TLCD5: variants seen among roughly 807,000 people sequenced by gnomAD.
The protein encoded by TLCD5 is TLC domain containing 5.
TLCD5 carries 15 observed loss-of-function variants against 20.5 expected under a neutral mutation model. The observed-to-expected ratio is 0.73, with a 90% CI of 0.49 to 1.13. The LOEUF (loss-of-function observed/expected upper bound fraction) is 1.13, where lower values mean the gene tolerates loss of function less well. Ranked by LOEUF, TLCD5 falls within the 50% of genes most tolerant of loss-of-function variation. TLCD5 has a pLI of 0.00. For synonymous variants in TLCD5, 107 were observed against 114.7 expected, an observed-to-expected ratio of 0.93 and a Z score of 0.43; for missense variants, 289 against 305.6, an observed-to-expected ratio of 0.95 and a Z score of 0.41.
In TLCD5 at chr11:120,330,910, A is replaced by G. The variant is rs115474557; in HGVS notation, c.*395A>G. 2.4e-3 allele frequency: 393 copies of G among 160,922 alleles called. 2 individuals carry two copies. The highest frequency in any genetic ancestry group is 8.5e-3 in the African/African-American group (355 of 41,836). The allele number at this position is 160,922 out of a possible 1,614,324, so 10.0% of individuals were successfully genotyped here. On this transcript the variant is annotated 3_prime_UTR_variant, in exon 3 of 3. Coordinates refer to ENST00000375095, the MANE Select transcript of TLCD5 (RefSeq NM_001198671.2). Reference sequence around the variant, plus strand: ...GAAGTAACTCTTTCAATAAACACTTATTTCTGCTTTCCATATAGCAATTTA... The same window carrying G: ...GAAGTAACTCTTTCAATAAACACTTGTTTCTGCTTTCCATATAGCAATTTA...
At chr11:120,329,912 G>A (rs150341643) in intron 2 of TLCD5, 65 bp from the exon 3 acceptor site, 158 of 1,513,988 alleles carry the variant, frequency 1.0e-4, no homozygotes, top group Middle Eastern at 5.3e-4. Flanking sequence ...CAACAACATA[G>A]GATCCCTGTG....
rs575171686 is a variant in TLCD5 at position 120,329,960 on chromosome 11, G to C, written c.200-17G>C. ...ATTCCCAGTCACTCAATTTGCTTCT[G>C]TCTTGGTTTGTTTCAGGCTCACCCA... On this transcript the variant is annotated splice_polypyrimidine_tract_variant and intron_variant, in intron 2 of 2. Transcript: ENST00000375095. The C allele has an allele frequency of 6.2e-7, 1 of 1,600,238 alleles. No individual in the cohort carries two copies. Among genetic ancestry groups the C allele is most frequent in the South Asian group, 1.1e-5 (1 of 88,474 alleles).
At position 120,330,725 on chromosome 11, in the gene TLCD5, T is replaced by C; in HGVS notation, c.*210T>C. ...GCACAGTTGTAGAAAGTGAGAATAC[T>C]CCATGGTAGTTGGGAATAAGTGAGA... On this transcript the variant is annotated 3_prime_UTR_variant, in exon 3 of 3. Transcript: ENST00000375095. The C allele has an allele frequency of 1.9e-6, 1 of 532,980 alleles. No homozygotes were observed. The allele number at this position is 532,980 out of a possible 1,614,324, so 33.0% of individuals were successfully genotyped here. A position where few individuals can be genotyped will look rare whatever the true frequency, so the allele number is the denominator to read the frequency against.
Position 120,330,498 on chromosome 11 carries a change from C to G in TLCD5, c.721C>G (p.His241Asp). 1 of 1,612,364 alleles carries G rather than the reference C, an allele frequency of 6.2e-7. No individual in the cohort carries two copies. Among genetic ancestry groups the G allele is most frequent in the Non-Finnish European group, 8.5e-7 (1 of 1,179,352 alleles). ...SEERQLKHNG[H>D]LKIH ...GGAACGGCAGCTGAAACACAACGGA[C>G]ATCTCAAAATACACTAGCCAAGGCT... The change falls in exon 3 of 3, where the codon CAT (histidine) becomes GAT (aspartate). Residue 241 changes from histidine to aspartate, a missense_variant. By Grantham distance (81) the His-to-Asp change is moderately conservative (BLOSUM62 -1). Coordinates refer to ENST00000375095, the MANE Select transcript of TLCD5 (RefSeq NM_001198671.2).
chr11:120,327,604 G>A lies in TLCD5; in HGVS notation c.163G>A (p.Gly55Ser). Residue 55 changes from glycine (G) to serine (S), a missense_variant, in exon 2 of 3, where the codon GGC (glycine) becomes AGC (serine). Gly to Ser is a moderately conservative substitution (Grantham distance 56). Transcript: ENST00000375095. ...CTCTATAGGCCTCTCCGCTTATATT[G>A]GCTTCATTGATGGCCCATGGCCTTT... ...VLSIGLSAYI[G>S]FIDGPWPFTH... 1 of 1,614,116 alleles carries A rather than the reference G, an allele frequency of 6.2e-7. No individual in the cohort carries two copies. Among genetic ancestry groups the A allele is most frequent in the Non-Finnish European group, 8.5e-7 (1 of 1,180,022 alleles).
chr11:120,327,098 A>C (rs954484681), intron 1 of TLCD5: 1 of 431,008 alleles, frequency 2.3e-6, no homozygotes, highest in Non-Finnish European at 4.2e-6. Context: ...CATGTGCTTT[A>C]TTTTCTGTGT....
At position 120,330,495 on chromosome 11, in the gene TLCD5, G is replaced by A. The variant is rs368275384; in HGVS notation, c.718G>A (p.Gly240Arg). Residue 240 changes from glycine to arginine, a missense_variant, in exon 3 of 3, where the codon GGA becomes AGA. Physicochemically the swap from Gly to Arg is moderately radical, Grantham distance 125. Transcript: ENST00000375095. ...RSEERQLKHN[G>R]HLKIH is the part of the protein sequence containing the mutation. ...TGAGGAACGGCAGCTGAAACACAAC[G>A]GACATCTCAAAATACACTAGCCAAG... is the stretch of plus-strand genomic sequence containing the variant. 1.6e-5 allele frequency: 25 copies of A among 1,612,796 alleles called. No homozygotes were observed. Among genetic ancestry groups the A allele is most frequent in the East Asian group, 2.2e-5 (1 of 44,878 alleles).
rs766493200 is a variant in TLCD5, at chr11:120,330,373, C to T, written c.596C>T (p.Ala199Val). 18 of 1,613,706 alleles carry T rather than the reference C, an allele frequency of 1.1e-5. No homozygotes were observed. Among genetic ancestry groups the T allele is most frequent in the East Asian group, 6.7e-5 (3 of 44,894 alleles). ...TGGTTTGTGAAGGCTGGGGGAGTAG[C>T]GATGTATGCTGTGTCTTGGTGTTTC... ...PKWFVKAGGV[A>V]MYAVSWCFMF... The change falls in exon 3 of 3, where the codon GCG becomes GTG. Residue 199 changes from alanine to valine, a missense_variant. Ala to Val is a moderately conservative substitution (Grantham distance 64). Transcript: ENST00000375095.
At position 120,330,027 on chromosome 11, in the gene TLCD5, T is replaced by C. The variant is rs374223394; in HGVS notation, c.250T>C (p.Tyr84His). The C allele has an allele frequency of 9.9e-6, 16 of 1,614,110 alleles. No homozygotes were observed. Among genetic ancestry groups the C allele is most frequent in the Middle Eastern group, 3.3e-4 (2 of 6,084 alleles). Residue 84 changes from tyrosine to histidine, a missense_variant, in exon 3 of 3, where the codon TAC becomes CAC. By Grantham distance (83) the Tyr-to-His change is moderately conservative (BLOSUM62 2). Coordinates refer to ENST00000375095, the MANE Select transcript of TLCD5 (RefSeq NM_001198671.2). ...QVHVLCLTLG[Y>H]FIFDLGWCVY... ...TCATGTCCTGTGTCTCACCTTGGGC[T>C]ACTTCATCTTCGACTTGGGCTGGTG...
chr11:120,328,775 T>C (rs1423923802), intron 2 of TLCD5, among the ~76,000 whole-genome samples: 1 of 152,046 alleles, frequency 6.6e-6, no homozygotes, highest in Non-Finnish European at 1.5e-5. Context: ...TGTGTGTGTG[T>C]GTGCGCGTGT....
At chr11:120,328,678 A>AGTGTGTGTGT (rs36145001) in intron 2 of TLCD5, among the ~76,000 whole-genome samples, 1,607 of 23,740 alleles carry the variant, frequency 0.068, 53 homozygotes, top group Non-Finnish European at 0.087. Flanking sequence ...TAACAGTCAT[A>AGTGTGTGTGT]GTGTGTGTGT....
chr11:120,330,756 G>C lies in TLCD5; in HGVS notation c.*241G>C. The C allele has an allele frequency of 2.3e-6, 1 of 440,108 alleles. No individual in the cohort carries two copies. Among genetic ancestry groups the C allele is most frequent in the Non-Finnish European group, 4.0e-6 (1 of 249,436 alleles). The allele number at this position is 440,108 out of a possible 1,614,324, so 27.3% of individuals were successfully genotyped here. On this transcript the variant is annotated 3_prime_UTR_variant, in exon 3 of 3. Transcript: ENST00000375095. ...GTAGTTGGGAATAAGTGAGAACTGT[G>C]AAGTGAGTACAACTGGCATTTGTTT...
intron 1 of TLCD5, among the ~76,000 whole-genome samples, chr11:120,325,620 C>T (rs2135158295): frequency 6.6e-6 from 1 of 152,204 alleles, no homozygotes; most frequent in South Asian, 2.1e-4. Flanking sequence ...GATGCGATCG[C>T]CGTCCCTGCG....
Position 120,327,426 on chromosome 11 carries a change from G to C in TLCD5, c.-1-15G>C. On this transcript the variant is annotated splice_polypyrimidine_tract_variant and intron_variant, in intron 1 of 2. Transcript: ENST00000375095. ...TGCATCCTTTGTTTTTCTGGTTTTG[G>C]TCTTTTCATCACAGGATGGCATTAG... is the stretch of plus-strand genomic sequence containing the variant. The C allele has an allele frequency of 1.2e-6, 2 of 1,614,134 alleles. No individual in the cohort carries two copies. Among genetic ancestry groups the C allele is most frequent in the Non-Finnish European group, 1.7e-6 (2 of 1,180,012 alleles).
rs910517896 is a variant in TLCD5, at chr11:120,332,022, C to T, written c.*1507C>T. The T allele has an allele frequency of 6.6e-6, 1 of 151,956 alleles. No individual in the cohort carries two copies. Among genetic ancestry groups the T allele is most frequent in the Non-Finnish European group, 1.5e-5 (1 of 68,008 alleles). 9.4% of individuals were successfully genotyped at this position (151,956 alleles called of 1,614,324 possible). A position where few individuals can be genotyped will look rare whatever the true frequency, so the allele number is the denominator to read the frequency against. On this transcript the variant is annotated 3_prime_UTR_variant, in exon 3 of 3. Coordinates refer to ENST00000375095, the MANE Select transcript of TLCD5 (RefSeq NM_001198671.2). The surrounding 1 kb of genome is among the most constrained non-coding windows in gnomAD (Gnocchi z 4.2). ...TCTTATTTTTACTAAAAAGGTACCACTCTATGAACAAACTAATAAAACAAG... is the reference window on the plus strand; with the variant it reads ...TCTTATTTTTACTAAAAAGGTACCATTCTATGAACAAACTAATAAAACAAG...
At position 120,330,580 on chromosome 11, in the gene TLCD5, C is replaced by T; in HGVS notation, c.*65C>T. 1 of 1,507,082 alleles carries T rather than the reference C, an allele frequency of 6.6e-7. No homozygotes were observed. The highest frequency in any genetic ancestry group is 8.9e-7 in the Non-Finnish European group (1 of 1,123,030). 93.4% of individuals were successfully genotyped at this position (1,507,082 alleles called of 1,614,324 possible). On this transcript the variant is annotated 3_prime_UTR_variant, in exon 3 of 3. Transcript: ENST00000375095. ...CATGGGAACCAGGTTGGAAATATGA[C>T]TGTTACATAATTACACTTATAACAA...
At chr11:120,327,226 A>C in intron 1 of TLCD5, 1 of 779,122 alleles carries the variant, frequency 1.3e-6, no homozygotes, top group Non-Finnish European at 2.0e-6. Flanking sequence ...TACAACATTG[A>C]CCAGTTGCTA....
At chr11:120,326,048 T>G (rs1045855216) in intron 1 of TLCD5, among the ~76,000 whole-genome samples, 1 of 152,210 alleles carries the variant, frequency 6.6e-6, no homozygotes, top group African/African-American at 2.4e-5. Context: ...ATACTTTGTA[T>G]TTCTGGCCCT....
At position 120,327,536 on chromosome 11, in the gene TLCD5, A is replaced by G. The variant is rs370614593; in HGVS notation, c.95A>G (p.Tyr32Cys). 1.9e-5 allele frequency: 31 copies of G among 1,614,058 alleles called. No individual in the cohort carries two copies. The highest frequency in any genetic ancestry group is 2.4e-5 in the Non-Finnish European group (28 of 1,180,028). Reference sequence around the variant, plus strand: ...TGCCACCTGAATAAGCACCGAAGCTATGAGTGGAGCTGCCGCCTGGTCACC... The same window carrying G: ...TGCCACCTGAATAAGCACCGAAGCTGTGAGTGGAGCTGCCGCCTGGTCACC... ...SFCHLNKHRSYEWSCRLVTFT... is the reference protein window; with the variant it reads ...SFCHLNKHRSCEWSCRLVTFT... Residue 32 changes from tyrosine (Y) to cysteine (C), a missense_variant, in exon 2 of 3, where the codon TAT (tyrosine) becomes TGT (cysteine). Coordinates refer to ENST00000375095, the MANE Select transcript of TLCD5 (RefSeq NM_001198671.2).
Sources: allele counts gnomAD v4.1 joint callset (sites outside exome capture counted in the v4.1 genomes callset), GRCh38; gene constraint gnomAD v4.1.1; non-coding constraint Gnocchi (gnomAD v3.1); transcripts MANE v1.5; gene names NCBI Gene and HGNC (gene_info 2026-07-23, HGNC 2026-07-21).